The following TRIM5 variants were observed in gnomAD, a reference collection of about 807,000 sequenced individuals.
The protein encoded by TRIM5 is tripartite motif-containing protein 5.
TRIM5 carries 31 observed loss-of-function variants against 35.6 expected under a neutral mutation model. The observed-to-expected ratio is 0.87, with a 90% CI of 0.65 to 1.18. The LOEUF (loss-of-function observed/expected upper bound fraction) is 1.18. Among genes scored for constraint, TRIM5 ranks in the 50% most tolerant of loss-of-function variants. The pLI is 0.00. For synonymous variants in TRIM5, 243 were observed against 215.6 expected (o/e 1.13, Z -1.11); for missense variants, 609 against 591.6 (o/e 1.03, Z -0.31).
the TRIM5 span, among the ~76,000 whole-genome samples, chr11:5,606,272 C>A: frequency 6.6e-6 from 1 of 152,128 alleles, no homozygotes; most frequent in African/African-American, 2.4e-5. Flanking sequence ...GGGGTCTGGG[C>A]TCTGGTCTGT....
chr11:5,646,162 A>C, the TRIM5 span, among the ~76,000 whole-genome samples: 1 of 151,506 alleles, frequency 6.6e-6, no homozygotes, highest in East Asian at 1.9e-4. Context: ...AACCACCCTC[A>C]TGTTTCTTCC....
rs1428522145 is a variant in TRIM5 at position 5,675,691 on chromosome 11, TTTTTTG to T, written c.744+2507_744+2512del. 7.9e-5 allele frequency among the ~76,000 whole-genome samples: 12 copies of T among 152,018 alleles called. No individual in the cohort carries two copies. In the East Asian group the frequency reaches 1.9e-3, roughly 24 times the overall value. ...TTTTTTTTTTTTCTTCTGTTGTGTT[TTTTTTG>T]TTTTTGTTTTTGTTTTATTATACTT... On this transcript the variant is annotated intron_variant, in intron 4 of 7. Coordinates refer to ENST00000380034, the MANE Select transcript of TRIM5 (RefSeq NM_033034.3).
the TRIM5 span, among the ~76,000 whole-genome samples, chr11:5,639,455 C>T: frequency 2.6e-5 from 4 of 151,690 alleles, no homozygotes; most frequent in Admixed American, 2.6e-4. Flanking sequence ...CCGAAGAGGG[C>T]GGATCATGAG....
At chr11:5,629,803 G>C in the TRIM5 span, among the ~76,000 whole-genome samples, 529 of 152,292 alleles carry the variant, frequency 3.5e-3, 4 homozygotes, top group Middle Eastern at 6.8e-3. Context: ...TGCCTCCCGG[G>C]TTCACGCCAT....
rs1205281976 is a variant in TRIM5, at chr11:5,664,174, C to A, written c.*635G>T. On this transcript the variant is annotated 3_prime_UTR_variant, in exon 8 of 8. Transcript: ENST00000380034. ...CGAGATCGTGCCATTGCACTCCAGC[C>A]TGGGGAACAAGAGCAAAACTTCATC... is the stretch of plus-strand genomic sequence containing the variant. The A allele has an allele frequency of 1.2e-6, 1 of 866,946 alleles. No homozygotes were observed. The highest frequency in any genetic ancestry group is 2.2e-5 in the African/African-American group (1 of 45,940). The allele number at this position is 866,946 out of a possible 1,614,324, so 53.7% of individuals were successfully genotyped here. A position where few individuals can be genotyped will look rare whatever the true frequency, so the allele number is the denominator to read the frequency against.
rs1851251634 is a variant in TRIM5, at chr11:5,667,712, C to T, written c.745-1G>A. ...ACCTTTTTATGACGCCATCCACACCCTAGGAAGAAGAGAGAAAACATCAAT... is the reference window on the plus strand; with the variant it reads ...ACCTTTTTATGACGCCATCCACACCTTAGGAAGAAGAGAGAAAACATCAAT... On this transcript the variant is annotated splice_acceptor_variant, in intron 4 of 7. Transcript: ENST00000380034. LOFTEE classifies it high-confidence loss of function. The T allele has an allele frequency of 6.2e-7, 1 of 1,613,344 alleles. No homozygotes were observed. The highest frequency in any genetic ancestry group is 1.1e-5 in the South Asian group (1 of 91,014).
chr11:5,596,626 C>G, the TRIM5 span: 2 of 336,232 alleles, frequency 5.9e-6, no homozygotes, highest in Admixed American at 5.5e-5. Context: ...CCAGGCGGCC[C>G]GACTCCTCCC....
At chr11:5,622,948 T>C in the TRIM5 span, among the ~76,000 whole-genome samples, 19 of 152,162 alleles carry the variant, frequency 1.2e-4, no homozygotes, top group Admixed American at 1.1e-3. Context: ...AATCAATATA[T>C]GTCCGCAAAG....
the TRIM5 span, among the ~76,000 whole-genome samples, chr11:5,613,546 G>A: frequency 6.6e-6 from 1 of 152,184 alleles, no homozygotes; most frequent in Non-Finnish European, 1.5e-5. Flanking sequence ...TATAAAAGGA[G>A]ATAGGGCCAG....
At position 5,664,270 on chromosome 11, in the gene TRIM5, G is replaced by A; in HGVS notation, c.*539C>T. 1 of 984,934 alleles carries A rather than the reference G, an allele frequency of 1.0e-6. No homozygotes were observed. Among genetic ancestry groups the A allele is most frequent in the Non-Finnish European group, 1.2e-6 (1 of 829,902 alleles). The allele number at this position is 984,934 out of a possible 1,614,324, so 61.0% of individuals were successfully genotyped here. ...CAGCCATTTAAGTATGTTATTCACA[G>A]TTACACTGCTGGTATATGGAGAGAC... On this transcript the variant is annotated 3_prime_UTR_variant, in exon 8 of 8. Transcript: ENST00000380034.
At chr11:5,633,146 C>CTTT in the TRIM5 span, among the ~76,000 whole-genome samples, 26 of 106,732 alleles carry the variant, frequency 2.4e-4, no homozygotes, top group South Asian at 6.2e-4. Context: ...CCTTTTCTTT[C>CTTT]TTTTTTTTTT....
chr11:5,642,928 C>G, the TRIM5 span: 1 of 1,558,268 alleles, frequency 6.4e-7, no homozygotes, highest in South Asian at 1.2e-5. Context: ...TGATCTTAGC[C>G]TCATGCATTC....
At chr11:5,671,744 A>G (rs1851604323) in intron 4 of TRIM5, among the ~76,000 whole-genome samples, 1 of 152,132 alleles carries the variant, frequency 6.6e-6, no homozygotes, top group Non-Finnish European at 1.5e-5. Context: ...AAGAGAGGAA[A>G]AGGTTTTAAA....
the TRIM5 span, among the ~76,000 whole-genome samples, chr11:5,637,532 G>C: frequency 6.6e-6 from 1 of 152,148 alleles, no homozygotes; most frequent in African/African-American, 2.4e-5. Flanking sequence ...AGGATGGAAT[G>C]GTAGGTAGCT....
chr11:5,659,325 A>T (rs1027293225), downstream of TRIM5, among the ~76,000 whole-genome samples: 2 of 152,120 alleles, frequency 1.3e-5, no homozygotes, highest in African/African-American at 4.8e-5. Flanking sequence ...TGCCCTGCAA[A>T]GGGAACAAGG....
At chr11:5,655,649 A>G in the TRIM5 span, 1 of 985,404 alleles carries the variant, frequency 1.0e-6, no homozygotes, top group Non-Finnish European at 1.2e-6. Flanking sequence ...TCAGTAAGGA[A>G]CCAATGTTAT....
At position 5,683,407 on chromosome 11, in the gene TRIM5, C is replaced by T. The variant is rs538908116; in HGVS notation, c.-62+1461G>A. 5.3e-5 allele frequency among the ~76,000 whole-genome samples: 8 copies of T among 152,296 alleles called. No homozygotes were observed. In the South Asian group the frequency reaches 1.4e-3, roughly 28 times the overall value. On this transcript the variant is annotated intron_variant, in intron 1 of 7. Coordinates refer to ENST00000380034, the MANE Select transcript of TRIM5 (RefSeq NM_033034.3). ...GGACTTGCAGAACCTTTATGTTTAGCTAAGGGATTGTAAATGCACCAATCA... is the reference window on the plus strand; with the variant it reads ...GGACTTGCAGAACCTTTATGTTTAGTTAAGGGATTGTAAATGCACCAATCA...
At chr11:5,674,111 A>C (rs1851765425) in intron 4 of TRIM5, among the ~76,000 whole-genome samples, 1 of 152,146 alleles carries the variant, frequency 6.6e-6, no homozygotes, top group Admixed American at 6.6e-5. Context: ...ATAAAAGTTA[A>C]CAAAATTGAC....
At chr11:5,637,291 T>C in the TRIM5 span, among the ~76,000 whole-genome samples, 5 of 152,182 alleles carry the variant, frequency 3.3e-5, no homozygotes, top group Non-Finnish European at 7.4e-5. Flanking sequence ...TCGGGATGGA[T>C]GGTGTTATCA....
Sources: gnomAD v4.1 joint callset for allele counts (sites outside exome capture counted in the v4.1 genomes callset) on GRCh38, gnomAD v4.1.1 for gene constraint, MANE v1.5 for transcripts, NCBI Gene and HGNC (gene_info 2026-07-23, HGNC 2026-07-21) for gene names.